The following DIS3L2 variants were observed in gnomAD, a reference collection of about 807,000 sequenced individuals.
DIS3L2 encodes DIS3 like 3'-5' exoribonuclease 2, also known as DIS3-like exonuclease 2.
A neutral mutation model predicts 97.5 loss-of-function variants in DIS3L2; 34 were observed. The observed-to-expected ratio is 0.35, with a 90% CI of 0.27 to 0.46. DIS3L2 has a LOEUF of 0.46. Among genes scored for constraint, DIS3L2 ranks in the 20% least tolerant of loss-of-function variants. The pLI is 1.00. For missense variants in DIS3L2, 1,038 were observed against 1,146.0 expected, an observed-to-expected ratio of 0.91 and a Z score of 1.36; for synonymous variants, 435 against 445.2, an observed-to-expected ratio of 0.98 and a Z score of 0.29.
At chr2:232,310,893 C>T (rs1420776566) in intron 14 of DIS3L2, among the ~76,000 whole-genome samples, 1 of 152,256 alleles carries the variant, frequency 6.6e-6, no homozygotes, top group Non-Finnish European at 1.5e-5. Flanking sequence ...CACAGTCACC[C>T]AGTCTCCTCC....
At chr2:232,036,023 A>G (rs1481358138) in intron 5 of DIS3L2, among the ~76,000 whole-genome samples, 1 of 152,082 alleles carries the variant, frequency 6.6e-6, no homozygotes, top group Non-Finnish European at 1.5e-5. Flanking sequence ...CTCGAGGAGT[A>G]TCTTTATGAT....
intron 6 of DIS3L2, among the ~76,000 whole-genome samples, chr2:232,089,825 G>C (rs1406381468): frequency 1.3e-5 from 2 of 152,178 alleles, no homozygotes; most frequent in African/African-American, 2.4e-5. Flanking sequence ...CAGCAGAATG[G>C]ATGTCTGGGT....
intron 13 of DIS3L2, among the ~76,000 whole-genome samples, chr2:232,277,920 G>A (rs970813443): frequency 2.6e-5 from 4 of 152,148 alleles, no homozygotes; most frequent in African/African-American, 9.7e-5. Context: ...ACACTTAAAC[G>A]TAGAAAAGCA....
In DIS3L2 at chr2:232,085,680, G is replaced by A. The variant is rs533587265; in HGVS notation, c.367-1807G>A. On this transcript the variant is annotated intron_variant, in intron 5 of 20. Transcript: ENST00000325385. ...TGTGGATGGGCAGATTTACATGTAG[G>A]GTCACAATTTTTTTCAGTGACTCAA... 3.3e-5 allele frequency among the ~76,000 whole-genome samples: 5 copies of A among 151,964 alleles called. No individual in the cohort carries two copies. The South Asian group carries it at 1.0e-3, about 32-fold the overall frequency.
intron 13 of DIS3L2, chr2:232,343,115 T>A (rs980789773): frequency 3.8e-6 from 2 of 521,864 alleles, no homozygotes; most frequent in Non-Finnish European, 6.9e-6. Flanking sequence ...CCTGGGGTCT[T>A]CTGGAAGTAA....
intron 11 of DIS3L2, among the ~76,000 whole-genome samples, chr2:232,246,588 C>A (rs968587084): frequency 1.2e-4 from 18 of 152,210 alleles, no homozygotes; most frequent in African/African-American, 3.4e-4. Context: ...TACTAACTTG[C>A]CCAAATTGTA....
chr2:232,329,738 G>A (rs112461230), intron 14 of DIS3L2, 75 bp from the exon 15 acceptor site: 55 of 1,369,196 alleles, frequency 4.0e-5, no homozygotes, highest in Non-Finnish European at 4.7e-5. Flanking sequence ...GAGCCAGGCC[G>A]GCTGCAGCGT....
rs769935282 is a variant in DIS3L2 at position 232,030,008 on chromosome 2, G to T, written c.294G>T (p.Gly98=). 1.2e-6 allele frequency: 2 copies of T among 1,606,798 alleles called. No homozygotes were observed. Among genetic ancestry groups the T allele is most frequent in the South Asian group, 2.2e-5 (2 of 89,548 alleles). The change falls in exon 5 of 21, where the codon GGG becomes GGT. Residue 98 remains glycine, a synonymous_variant. Coordinates refer to ENST00000325385, the MANE Select transcript of DIS3L2 (RefSeq NM_152383.5). ...GTGATCGAGACATTTTTATTGATGG[G>T]GTTGTTGCTCGTAATAGAGCCTTAA... is the stretch of plus-strand genomic sequence containing the variant. The part of the protein sequence containing the change: ...PDGDRDIFID[G]VVARNRALNG...
At chr2:232,337,479 AG>A (rs1198701519), downstream of DIS3L2, among the ~76,000 whole-genome samples, 1 of 151,852 alleles carries the variant, frequency 6.6e-6, no homozygotes, top group East Asian at 2.0e-4. Flanking sequence ...CCAAACCAGG[AG>A]GGGAAACTGG....
intron 1 of DIS3L2, among the ~76,000 whole-genome samples, chr2:231,962,113 C>T (rs1559495832): frequency 1.3e-5 from 2 of 152,106 alleles, no homozygotes; most frequent in Admixed American, 1.3e-4. Flanking sequence ...AGGCTCGGGT[C>T]ACCTGTGGAC....
chr2:231,986,345 A>G (rs1693414517), intron 1 of DIS3L2, among the ~76,000 whole-genome samples: 1 of 152,218 alleles, frequency 6.6e-6, no homozygotes, highest in Admixed American at 6.5e-5. Context: ...AACCCTGATT[A>G]GTACACATAC....
rs1694581632 is a variant in DIS3L2, at chr2:232,023,770, G to A, written c.211-507G>A. Among the ~76,000 whole-genome samples, 9 of 152,088 alleles carry A rather than the reference G, an allele frequency of 5.9e-5. No individual in the cohort carries two copies. The South Asian group carries it at 1.9e-3, about 32-fold the overall frequency. On this transcript the variant is annotated intron_variant, in intron 3 of 20. Coordinates refer to ENST00000325385, the MANE Select transcript of DIS3L2 (RefSeq NM_152383.5). ...TTGACTCATTCAGCTCTGCAGAGGGGCCAGAGTAAAAAATAATGCATCCAG... is the reference window on the plus strand; with the variant it reads ...TTGACTCATTCAGCTCTGCAGAGGGACCAGAGTAAAAAATAATGCATCCAG...
intron 14 of DIS3L2, among the ~76,000 whole-genome samples, chr2:232,313,230 T>C (rs1035529442): frequency 2.0e-5 from 3 of 152,262 alleles, no homozygotes; most frequent in Non-Finnish European, 4.4e-5. Flanking sequence ...AAATTTTTAC[T>C]GGTGTTCTCT....
At chr2:232,187,896 G>A (rs866180045) in intron 9 of DIS3L2, among the ~76,000 whole-genome samples, 1 of 152,128 alleles carries the variant, frequency 6.6e-6, no homozygotes, top group Admixed American at 6.5e-5. Context: ...CAGCACTTTG[G>A]AAGGCTGAGG....
At chr2:232,188,172 C>G (rs1001735360) in intron 9 of DIS3L2, among the ~76,000 whole-genome samples, 14 of 152,060 alleles carry the variant, frequency 9.2e-5, no homozygotes, top group African/African-American at 3.4e-4. Context: ...AGGGAAACAA[C>G]CCAATCAACT....
intron 10 of DIS3L2, among the ~76,000 whole-genome samples, chr2:232,218,373 A>G (rs1463313491): frequency 2.0e-5 from 3 of 152,206 alleles, no homozygotes; most frequent in African/African-American, 4.8e-5. Flanking sequence ...TGAATCCTAC[A>G]AAGTCTGGAG....
chr2:232,124,809 A>G (rs1051732254), intron 6 of DIS3L2, among the ~76,000 whole-genome samples: 6 of 152,190 alleles, frequency 3.9e-5, no homozygotes, highest in Non-Finnish European at 8.8e-5. Context: ...GCAAAGAGAA[A>G]AAAGCAGCTG....
chr2:232,141,132 T>G (rs979724599), intron 8 of DIS3L2, among the ~76,000 whole-genome samples: 1 of 152,140 alleles, frequency 6.6e-6, no homozygotes, highest in African/African-American at 2.4e-5. Flanking sequence ...ATCTTTCCCT[T>G]TAGAAACTCT....
intron 9 of DIS3L2, among the ~76,000 whole-genome samples, chr2:232,209,087 A>G (rs1692112783): frequency 1.3e-5 from 2 of 152,238 alleles, no homozygotes; most frequent in African/African-American, 4.8e-5. Context: ...TATTTCTCCA[A>G]AAGCTATTAC....
Sources: allele counts gnomAD v4.1 joint callset (sites outside exome capture counted in the v4.1 genomes callset), GRCh38; gene constraint gnomAD v4.1.1; transcripts MANE v1.5; gene names NCBI Gene and HGNC (gene_info 2026-07-23, HGNC 2026-07-21).